PBRM1: variants seen among roughly 807,000 people sequenced by gnomAD.
PBRM1 encodes the protein polybromo 1, also known as protein polybromo-1.
In PBRM1, 27 loss-of-function variants were observed where a neutral mutation model predicts 194.5. The observed-to-expected ratio is 0.14, with a 90% CI of 0.10 to 0.19. The LOEUF (loss-of-function observed/expected upper bound fraction) is 0.19, where lower values mean the gene tolerates loss of function less well. Ranked by LOEUF, PBRM1 falls within the 10% of genes least tolerant of loss-of-function variation. The pLI is 1.00. For synonymous variants in PBRM1, 655 were observed against 693.2 expected (o/e 0.94, Z 0.87); for missense variants, 1,466 against 2,077.2 (o/e 0.71, Z 5.72).
At chr3:52,634,369 G>A (rs538004149) in intron 11 of PBRM1, among the ~76,000 whole-genome samples, 13 of 150,316 alleles carry the variant, frequency 8.6e-5, no homozygotes, top group African/African-American at 2.4e-4. Flanking sequence ...CCCAGGAGGC[G>A]GAGGTTGCAG....
intron 6 of PBRM1, among the ~76,000 whole-genome samples, chr3:52,649,411 G>A (rs756771833): frequency 6.6e-6 from 1 of 152,158 alleles, no homozygotes; most frequent in Non-Finnish European, 1.5e-5. Context: ...GACTCCTGTA[G>A]AGGAGGAGAG....
Position 52,648,218 on chromosome 3 carries a change from C to G in PBRM1, c.813+126G>C, listed in dbSNP as rs891106484. On this transcript the variant is annotated intron_variant, in intron 7 of 29. Transcript: ENST00000296302. ...CACTGCGCCCAGCCTAAATTAAACA[C>G]TTTTAATGGGTAAAGTCCATGGTAT... 1.5e-5 allele frequency: 9 copies of G among 607,844 alleles called. No individual in the cohort carries two copies. The Admixed American group carries it at 1.9e-4, about 13-fold the overall frequency. 37.7% of individuals were successfully genotyped at this position (607,844 alleles called of 1,614,324 possible). A position where few individuals can be genotyped will look rare whatever the true frequency, so the allele number is the denominator to read the frequency against.
At chr3:52,582,385 T>G (rs2091457205) in intron 20 of PBRM1, among the ~76,000 whole-genome samples, 1 of 151,632 alleles carries the variant, frequency 6.6e-6, no homozygotes, top group Admixed American at 6.6e-5. Context: ...CTAAGTTAAT[T>G]ATCATGCTGA....
chr3:52,545,795 G>A (rs2079608743), downstream of PBRM1: 1 of 232,746 alleles, frequency 4.3e-6, no homozygotes, highest in Admixed American at 5.6e-5. Context: ...CATTACTACA[G>A]TTCCTAAAAC....
chr3:52,572,547 T>G (rs1190134883), intron 22 of PBRM1, among the ~76,000 whole-genome samples: 1 of 152,178 alleles, frequency 6.6e-6, no homozygotes, highest in Non-Finnish European at 1.5e-5. Flanking sequence ...AATTTTTTTT[T>G]GTATTTTTAG....
intron 22 of PBRM1, among the ~76,000 whole-genome samples, chr3:52,574,002 C>T (rs1019770862): frequency 7.2e-5 from 11 of 152,224 alleles, no homozygotes; most frequent in African/African-American, 2.4e-4. Flanking sequence ...ATGCAAAGTG[C>T]TTGCCTTTAT....
At chr3:52,626,847 G>A (rs1560496195) in intron 13 of PBRM1, among the ~76,000 whole-genome samples, 1 of 152,070 alleles carries the variant, frequency 6.6e-6, no homozygotes. Context: ...GGTGAACAAG[G>A]ACAAACAAAG....
chr3:52,546,159 T>A, downstream of PBRM1: 1 of 232,236 alleles, frequency 4.3e-6, no homozygotes, highest in South Asian at 1.8e-4. Context: ...CCCAAAGAAG[T>A]CTCATCCAGA....
chr3:52,668,059 G>C (rs1205370656), intron 3 of PBRM1, among the ~76,000 whole-genome samples: 2 of 152,210 alleles, frequency 1.3e-5, no homozygotes, highest in Non-Finnish European at 1.5e-5. Flanking sequence ...ACTTTGGGAG[G>C]CCAAGGCAGG....
At chr3:52,572,777 T>C (rs1418470791) in intron 22 of PBRM1, among the ~76,000 whole-genome samples, 2 of 152,128 alleles carry the variant, frequency 1.3e-5, no homozygotes, top group Non-Finnish European at 2.9e-5. Flanking sequence ...TAACAGAAGA[T>C]GAAAAAATGA....
At chr3:52,554,621 C>A in intron 27 of PBRM1, 103 bp downstream of exon 29, 1 of 991,060 alleles carries the variant, frequency 1.0e-6, no homozygotes, top group Non-Finnish European at 1.4e-6. Context: ...GAGGGAAGGC[C>A]TGGCCACAAT....
chr3:52,584,207 T>C (rs1199047690), intron 20 of PBRM1, among the ~76,000 whole-genome samples: 2 of 152,152 alleles, frequency 1.3e-5, no homozygotes, highest in Non-Finnish European at 2.9e-5. Context: ...AGGTTCTATA[T>C]ATTCCTTGTT....
chr3:52,651,649 C>A (rs985279932), intron 6 of PBRM1, 93 bp downstream of exon 7: 5 of 633,364 alleles, frequency 7.9e-6, no homozygotes, highest in African/African-American at 7.5e-5. Context: ...CTTACAGAGA[C>A]AACTAGCTTC....
rs13099479 is a variant in PBRM1, at chr3:52,643,462, G to A, written c.900-119C>T. On this transcript the variant is annotated intron_variant, in intron 8 of 29. Transcript: ENST00000296302. ...TAAATAGAAATGCTAAAATACTTCT[G>A]AACTTCTACTATGCAGCAGACTCTG... The A allele has an allele frequency of 0.067, 46,436 of 692,732 alleles. 1,875 individuals carry two copies. Among genetic ancestry groups the A allele is most frequent in the Non-Finnish European group, 0.085 (32,945 of 388,944 alleles). The allele number at this position is 692,732 out of a possible 1,614,324, so 42.9% of individuals were successfully genotyped here. A position where few individuals can be genotyped will look rare whatever the true frequency, so the allele number is the denominator to read the frequency against.
intron 17 of PBRM1, among the ~76,000 whole-genome samples, chr3:52,599,568 T>C (rs2093834727): frequency 6.6e-6 from 1 of 151,710 alleles, no homozygotes; most frequent in Non-Finnish European, 1.5e-5. Context: ...TCCCAGCACT[T>C]TGGACAGCCG....
intron 8 of PBRM1, among the ~76,000 whole-genome samples, chr3:52,644,161 C>T (rs895143431): frequency 1.7e-4 from 26 of 151,586 alleles, no homozygotes; most frequent in African/African-American, 5.3e-4. Flanking sequence ...CATATTTGTA[C>T]AAAGCAATAA....
At chr3:52,670,252 T>C (rs1385254252) in intron 2 of PBRM1, among the ~76,000 whole-genome samples, 1 of 152,164 alleles carries the variant, frequency 6.6e-6, no homozygotes, top group African/African-American at 2.4e-5. Context: ...AAAATCAGGA[T>C]CCCAACCTCT....
chr3:52,559,638 G>A (rs2082989725), intron 25 of PBRM1, among the ~76,000 whole-genome samples: 3 of 152,208 alleles, frequency 2.0e-5, no homozygotes, highest in South Asian at 2.1e-4. Flanking sequence ...AATAGCTCGA[G>A]GTCATATGGC....
At chr3:52,610,725 G>A (rs2094563007) in intron 15 of PBRM1, among the ~76,000 whole-genome samples, 1 of 152,188 alleles carries the variant, frequency 6.6e-6, no homozygotes, top group African/African-American at 2.4e-5. Context: ...GATCACCTGA[G>A]GTCAGGAGTT....
Sources: gnomAD v4.1 joint callset for allele counts (sites outside exome capture counted in the v4.1 genomes callset) on GRCh38, gnomAD v4.1.1 for gene constraint, MANE v1.5 for transcripts, NCBI Gene and HGNC (gene_info 2026-07-23, HGNC 2026-07-21) for gene names.